The following ITPR2 variants were observed in gnomAD, a reference collection of about 807,000 sequenced individuals.
ITPR2 encodes the protein inositol 1,4,5-trisphosphate-gated calcium channel ITPR2.
A neutral mutation model predicts 317.1 loss-of-function variants in ITPR2; 207 were observed. That is an observed-to-expected ratio of 0.65 (90% confidence interval 0.58 to 0.73). The LOEUF is 0.73. Ranked by LOEUF, ITPR2 falls within the 30% of genes least tolerant of loss-of-function variation. The pLI is 0.00. For missense variants in ITPR2, 2,613 were observed against 3,284.0 expected (o/e 0.80, Z 4.99); for synonymous variants, 1,156 against 1,149.1 (o/e 1.01, Z -0.12).
intron 2 of ITPR2, among the ~76,000 whole-genome samples, chr12:26,785,418 A>G (rs1454339693): frequency 4.4e-3 from 237 of 53,776 alleles, no homozygotes; most frequent in Non-Finnish European, 7.5e-3. Flanking sequence ...CGCCCCGTCC[A>G]GGAGGGAGGT....
intron 21 of ITPR2, among the ~76,000 whole-genome samples, chr12:26,633,166 T>C (rs1414425777): frequency 1.3e-5 from 2 of 148,266 alleles, no homozygotes; most frequent in East Asian, 1.9e-4. Flanking sequence ...CTCTGAGCTC[T>C]AAGAGAAGAA....
intron 2 of ITPR2, among the ~76,000 whole-genome samples, chr12:26,779,599 G>C (rs1167832184): frequency 1.3e-5 from 2 of 152,168 alleles, no homozygotes; most frequent in Non-Finnish European, 2.9e-5. Flanking sequence ...GCTGACAAAG[G>C]AAGAGAAGAC....
At chr12:26,606,747 C>T (rs1445792002) in intron 26 of ITPR2, among the ~76,000 whole-genome samples, 5 of 151,566 alleles carry the variant, frequency 3.3e-5, no homozygotes, top group Non-Finnish European at 5.9e-5. Context: ...GCGTAGGCCA[C>T]ATAGAAAGAC....
chr12:26,690,789 A>C (rs896474717), intron 10 of ITPR2, among the ~76,000 whole-genome samples: 3 of 152,164 alleles, frequency 2.0e-5, no homozygotes, highest in Non-Finnish European at 4.4e-5. Context: ...TTCCAAACAC[A>C]GAAAAAACTC....
At chr12:26,733,419 C>CCCT (rs1949059942) in intron 2 of ITPR2, among the ~76,000 whole-genome samples, 1 of 151,516 alleles carries the variant, frequency 6.6e-6, no homozygotes, top group African/African-American at 2.4e-5. Context: ...AGTCTTGCAA[C>CCCT]ACAACACAAC....
At chr12:26,797,538 T>G (rs1263932226) in intron 1 of ITPR2, among the ~76,000 whole-genome samples, 7 of 152,180 alleles carry the variant, frequency 4.6e-5, no homozygotes, top group Non-Finnish European at 8.8e-5. Context: ...AGTTCATTTC[T>G]AACAAAATGG....
At chr12:26,487,579 A>G (rs1275918326) in intron 39 of ITPR2, among the ~76,000 whole-genome samples, 1 of 152,188 alleles carries the variant, frequency 6.6e-6, no homozygotes, top group Non-Finnish European at 1.5e-5. Flanking sequence ...TATTATTATA[A>G]AGTCATGCAT....
intron 13 of ITPR2, among the ~76,000 whole-genome samples, chr12:26,680,729 G>A (rs1948012330): frequency 6.6e-6 from 1 of 152,120 alleles, no homozygotes; most frequent in Non-Finnish European, 1.5e-5. Flanking sequence ...GTATTCTGTT[G>A]TATGAAAATA....
At chr12:26,358,864 T>A (rs915640688) in intron 55 of ITPR2, among the ~76,000 whole-genome samples, 7 of 152,156 alleles carry the variant, frequency 4.6e-5, no homozygotes, top group African/African-American at 1.7e-4. Flanking sequence ...GTCCAATCTG[T>A]TCCCACCAGG....
chr12:26,443,587 C>G lies in ITPR2; in HGVS notation c.6406G>C (p.Asp2136His). ...LKPGSDPDEG[D>H]EALKYYANHT... ...TTGGCATAATACTTTAAGGCTTCAT[C>G]TCCTTCATCTGGATCCGATCCTGGT... Residue 2136 changes from aspartate (D) to histidine (H), a missense_variant, in exon 46 of 57, where the codon GAT (aspartate) becomes CAT (histidine). Asp to His is a moderately conservative substitution (Grantham distance 81, BLOSUM62 -1). Around this residue, in one of 9 missense-constraint regions of ITPR2, gnomAD observed 926 missense variants for 1,072.8 expected, o/e 0.86. Coordinates refer to ENST00000381340, the MANE Select transcript of ITPR2 (RefSeq NM_002223.4). 1 of 1,613,074 alleles carries G rather than the reference C, an allele frequency of 6.2e-7. No individual in the cohort carries two copies. Among genetic ancestry groups the G allele is most frequent in the Non-Finnish European group, 8.5e-7 (1 of 1,179,244 alleles).
At chr12:26,398,187 C>T (rs1234174294) in intron 54 of ITPR2, among the ~76,000 whole-genome samples, 1 of 151,890 alleles carries the variant, frequency 6.6e-6, no homozygotes, top group East Asian at 1.9e-4. Context: ...CTTTGGGAGG[C>T]CAAGGCGGGT....
intron 10 of ITPR2, among the ~76,000 whole-genome samples, chr12:26,692,993 A>G (rs1472330681): frequency 6.6e-6 from 1 of 152,188 alleles, no homozygotes; most frequent in African/African-American, 2.4e-5. Flanking sequence ...TTAGACAGAA[A>G]AATAATTATT....
chr12:26,440,546 T>C lies in ITPR2; in HGVS notation c.6451-1227A>G, dbSNP rs76786118. ...TTGTCACTGTGGTATTCTATTAATCTTGTAACTGAAGGTATCCTAAATGAT... is the reference window on the plus strand; with the variant it reads ...TTGTCACTGTGGTATTCTATTAATCCTGTAACTGAAGGTATCCTAAATGAT... On this transcript the variant is annotated intron_variant, in intron 46 of 56. Coordinates refer to ENST00000381340, the MANE Select transcript of ITPR2 (RefSeq NM_002223.4). Among the ~76,000 whole-genome samples, 1,103 of 152,284 alleles carry C rather than the reference T, an allele frequency of 7.2e-3. 20 individuals carry two copies. The highest frequency in any genetic ancestry group is 0.025 in the African/African-American group (1,049 of 41,560).
At chr12:26,632,085 AAC>A (rs761254887) in intron 21 of ITPR2, 26 bp from the exon 22 acceptor site, 3 of 1,504,184 alleles carry the variant, frequency 2.0e-6, no homozygotes, top group Non-Finnish European at 2.7e-6. Flanking sequence ...GCCGTAAGTC[AAC>A]ACACACAACC....
At chr12:26,400,092 T>A (rs370794761) in intron 53 of ITPR2, 36 bp downstream of exon 53, 9 of 1,570,964 alleles carry the variant, frequency 5.7e-6, no homozygotes, top group Non-Finnish European at 7.8e-6. Context: ...AAAAAAAAGA[T>A]GTGCTCCTTG....
intron 49 of ITPR2, among the ~76,000 whole-genome samples, chr12:26,422,165 AATTT>A (rs993320414): frequency 6.7e-6 from 1 of 150,038 alleles, no homozygotes; most frequent in African/African-American, 2.4e-5. Flanking sequence ...TAATATATTT[AATTT>A]ATTAGTTAAT....
chr12:26,578,914 G>A, intron 33 of ITPR2, 81 bp from the exon 34 acceptor site: 1 of 1,350,658 alleles, frequency 7.4e-7, no homozygotes. Flanking sequence ...TTCTCAGAAA[G>A]GTTCATCAAA....
chr12:26,367,974 A>C (rs1939062380), intron 55 of ITPR2, among the ~76,000 whole-genome samples: 1 of 152,234 alleles, frequency 6.6e-6, no homozygotes, highest in Non-Finnish European at 1.5e-5. Context: ...TTTCCCCTGC[A>C]GACCAGAGCT....
intron 55 of ITPR2, among the ~76,000 whole-genome samples, chr12:26,384,096 C>T (rs1330618741): frequency 6.6e-6 from 1 of 152,136 alleles, no homozygotes; most frequent in East Asian, 1.9e-4. Context: ...TGGAAGATTT[C>T]CTACCAAAGT....
Sources: gnomAD v4.1 joint callset for allele counts (sites outside exome capture counted in the v4.1 genomes callset) on GRCh38, gnomAD v4.1.1 for gene constraint, gnomAD v4.1.1 regional missense constraint, MANE v1.5 for transcripts, NCBI Gene and HGNC (gene_info 2026-07-23, HGNC 2026-07-21) for gene names.